PPP2R2C: variants seen among roughly 807,000 people sequenced by gnomAD.
The protein encoded by PPP2R2C is protein phosphatase 2, regulatory subunit B, gamma.
PPP2R2C carries 10 observed loss-of-function variants against 45.3 expected under a neutral mutation model. That is an observed-to-expected ratio of 0.22 (90% CI 0.14 to 0.37). PPP2R2C has a LOEUF of 0.37. PPP2R2C is among the 10% of genes least tolerant of loss of function. PPP2R2C has a pLI of 1.00. For missense variants in PPP2R2C, 308 were observed against 619.7 expected, an observed-to-expected ratio of 0.50 and a Z score of 5.34; for synonymous variants, 257 against 245.4, an observed-to-expected ratio of 1.05 and a Z score of -0.44.
intron 1 of PPP2R2C, among the ~76,000 whole-genome samples, chr4:6,452,146 G>A (rs1720770719): frequency 6.6e-6 from 1 of 152,174 alleles, no homozygotes; most frequent in African/African-American, 2.4e-5. Context: ...AGCCTGGACA[G>A]GAAGCAGGAG....
Position 6,345,895 on chromosome 4 carries a change from C to A in PPP2R2C, c.790+1951G>T, listed in dbSNP as rs1711853847. On this transcript the variant is annotated intron_variant, in intron 6 of 8. Transcript: ENST00000382599. This position sits in a 1 kb window ranked among gnomAD's most constrained non-coding sequence, Gnocchi z 5.3. Reference sequence around the variant, plus strand: ...CCACACTTATCTCCAGGTGGCATTACTGCCTGGATATCTGGCTGCCTACTC... The same window carrying A: ...CCACACTTATCTCCAGGTGGCATTAATGCCTGGATATCTGGCTGCCTACTC... 6.6e-6 allele frequency among the ~76,000 whole-genome samples: 1 copy of A among 152,190 alleles called. No homozygotes were observed.
chr4:6,510,311 G>A (rs1418726331), intron 2 of PPP2R2C, among the ~76,000 whole-genome samples: 1 of 151,446 alleles, frequency 6.6e-6, no homozygotes, highest in Non-Finnish European at 1.5e-5. Context: ...CTGACCAGCT[G>A]GGCACTTACC....
intron 1 of PPP2R2C, among the ~76,000 whole-genome samples, chr4:6,554,922 GGAAGGAAGGAAAGAAAGAAA>G (rs1244922654): frequency 0.015 from 1,432 of 93,256 alleles, 28 homozygotes; most frequent in African/African-American, 0.052. Context: ...AAGGAAGGAA[GGAAGGAAGGAAAGAAAGAAA>G]GAAAGAAAGA....
intron 2 of PPP2R2C, among the ~76,000 whole-genome samples, chr4:6,510,752 C>T (rs1352469004): frequency 2.6e-5 from 4 of 151,982 alleles, no homozygotes; most frequent in Non-Finnish European, 2.9e-5. Flanking sequence ...CCGAGGTGGG[C>T]GGACCCCGAG....
chr4:6,334,844 C>A (rs543859113), intron 6 of PPP2R2C, among the ~76,000 whole-genome samples: 2 of 152,348 alleles, frequency 1.3e-5, no homozygotes, highest in African/African-American at 4.8e-5. Flanking sequence ...CTGATCACAG[C>A]ACCCTGAGGC....
chr4:6,540,712 C>T (rs1560611660), intron 1 of PPP2R2C, among the ~76,000 whole-genome samples: 1 of 152,244 alleles, frequency 6.6e-6, no homozygotes, highest in African/African-American at 2.4e-5. Flanking sequence ...GGGCTCCACA[C>T]ATGTGGTTTC....
chr4:6,376,575 T>TCCTGAGTA, intron 3 of PPP2R2C, among the ~76,000 whole-genome samples: 1 of 152,122 alleles, frequency 6.6e-6, no homozygotes, highest in South Asian at 2.1e-4. Flanking sequence ...AATCTCAGCC[T>TCCTGAGTA]CCTGAGTAGC....
chr4:6,536,652 G>C (rs1213523645), intron 1 of PPP2R2C, among the ~76,000 whole-genome samples: 1 of 152,210 alleles, frequency 6.6e-6, no homozygotes, highest in Non-Finnish European at 1.5e-5. Flanking sequence ...GTGGAGAAGG[G>C]GGCAGCTCCA....
intron 8 of PPP2R2C, among the ~76,000 whole-genome samples, chr4:6,326,663 T>C (rs767650450): frequency 1.7e-4 from 26 of 152,224 alleles, no homozygotes; most frequent in African/African-American, 2.7e-4. Flanking sequence ...GCCAGTTTCC[T>C]AGAACCACTT....
Position 6,511,537 on chromosome 4 carries a change from G to A in PPP2R2C, c.49+23734C>T, listed in dbSNP as rs62286099. On this transcript the variant is annotated intron_variant, in intron 2 of 9. Coordinates refer to the PPP2R2C transcript ENST00000506140. ...GGTGGTGGTGGTGATGGTGGTGGTG[G>A]TGGTGGTGATGGTGGTGGTGGTGGT... 2.0e-3 allele frequency among the ~76,000 whole-genome samples: 46 copies of A among 23,058 alleles called. 1 individual carries two copies. The highest frequency in any genetic ancestry group is 4.0e-3 in the African/African-American group (33 of 8,316). The allele number at this position is 23,058 out of a possible 152,430, so 15.1% of individuals were successfully genotyped here.
At chr4:6,403,134 G>A (rs1222559152) in intron 1 of PPP2R2C, among the ~76,000 whole-genome samples, 5 of 152,254 alleles carry the variant, frequency 3.3e-5, no homozygotes, top group Non-Finnish European at 7.3e-5. Context: ...CACATGGCAG[G>A]ACAGTGGGTG....
chr4:6,408,796 G>A (rs1717968954), intron 1 of PPP2R2C, among the ~76,000 whole-genome samples: 1 of 152,110 alleles, frequency 6.6e-6, no homozygotes, highest in Middle Eastern at 3.4e-3. Flanking sequence ...AGAGAGAATG[G>A]AGCCTGGGGA....
intron 2 of PPP2R2C, among the ~76,000 whole-genome samples, chr4:6,534,886 G>C (rs1233395227): frequency 6.6e-6 from 1 of 152,232 alleles, no homozygotes; most frequent in African/African-American, 2.4e-5. Flanking sequence ...CCACTGCTGC[G>C]ACCCCAGGGG....
intron 2 of PPP2R2C, among the ~76,000 whole-genome samples, chr4:6,503,909 T>C (rs1723136894): frequency 6.6e-6 from 1 of 151,154 alleles, no homozygotes; most frequent in South Asian, 2.1e-4. Context: ...CTGGACAAAA[T>C]ATAAAAAGTA....
At chr4:6,440,556 C>T (rs6831294) in intron 1 of PPP2R2C, among the ~76,000 whole-genome samples, 99,912 of 152,092 alleles carry the variant, frequency 0.66, 33,538 homozygotes, top group Non-Finnish European at 0.74. Context: ...ATGCTGGCTC[C>T]GTAAACGCCA....
chr4:6,338,702 C>A (rs1733191607), intron 6 of PPP2R2C, among the ~76,000 whole-genome samples: 2 of 152,200 alleles, frequency 1.3e-5, no homozygotes, highest in Admixed American at 1.3e-4. Flanking sequence ...CTCTGCCGCA[C>A]ACTCCAGCCC....
chr4:6,457,207 C>CTAAAAAA (rs1721086568), intron 1 of PPP2R2C, among the ~76,000 whole-genome samples: 2 of 88,804 alleles, frequency 2.3e-5, no homozygotes, highest in South Asian at 4.3e-4. Flanking sequence ...GACTCCATCT[C>CTAAAAAA]AAAAAAAAAA....
Position 6,410,926 on chromosome 4 carries a change from T to C in PPP2R2C, c.71-29832A>G, listed in dbSNP as rs369497365. On this transcript the variant is annotated intron_variant, in intron 1 of 8. Transcript: ENST00000382599. Reference sequence around the variant, plus strand: ...CTCTGTCACCCAGGATGAAGTGCGGTGGTGCGATCTCTGCTCACTGCAGCT... The same window carrying C: ...CTCTGTCACCCAGGATGAAGTGCGGCGGTGCGATCTCTGCTCACTGCAGCT... Among the ~76,000 whole-genome samples the C allele has an allele frequency of 1.7e-3, 255 of 152,020 alleles. 2 individuals carry two copies. The highest frequency in any genetic ancestry group is 5.9e-3 in the African/African-American group (243 of 41,438).
intron 2 of PPP2R2C, among the ~76,000 whole-genome samples, chr4:6,525,049 G>A (rs1028862535): frequency 1.3e-5 from 2 of 152,058 alleles, no homozygotes; most frequent in South Asian, 2.1e-4. Flanking sequence ...AGGTGCCACT[G>A]CACTCCAACC....
Sources: allele counts gnomAD v4.1 joint callset (sites outside exome capture counted in the v4.1 genomes callset), GRCh38; gene constraint gnomAD v4.1.1; non-coding constraint Gnocchi (gnomAD v3.1); transcripts MANE v1.5; gene names NCBI Gene and HGNC (gene_info 2026-07-23, HGNC 2026-07-21).